The following SPATA6 variants were observed in gnomAD, a reference collection of about 807,000 sequenced individuals.
SPATA6 encodes the protein spermatogenesis associated 6.
SPATA6 carries 56 observed loss-of-function variants against 65.3 expected under a neutral mutation model. That is an observed-to-expected ratio of 0.86 (90% CI 0.69 to 1.07). The LOEUF (loss-of-function observed/expected upper bound fraction) is 1.07, where lower values mean the gene tolerates loss of function less well. Among genes scored for constraint, SPATA6 ranks in the 50% least tolerant of loss-of-function variants. The probability of loss-of-function intolerance (pLI) is 0.00; values close to 1 mark genes in which losing one functional copy is unlikely to be tolerated. For missense variants in SPATA6, 590 were observed against 594.8 expected, an observed-to-expected ratio of 0.99 and a Z score of 0.08; for synonymous variants, 199 against 213.2, an observed-to-expected ratio of 0.93 and a Z score of 0.58.
intron 3 of SPATA6, among the ~76,000 whole-genome samples, chr1:48,421,182 G>A (rs1247560046): frequency 3.9e-5 from 6 of 152,084 alleles, no homozygotes; most frequent in Non-Finnish European, 8.8e-5. Context: ...AAAATGGCTA[G>A]AAGAGAGGCC....
chr1:48,433,205 T>C (rs1654567535), intron 3 of SPATA6, among the ~76,000 whole-genome samples: 1 of 152,154 alleles, frequency 6.6e-6, no homozygotes, highest in African/African-American at 2.4e-5. Flanking sequence ...TGGAGCTGCA[T>C]GGTGGTAATG....
the SPATA6 span, among the ~76,000 whole-genome samples, chr1:48,280,743 C>G: frequency 5.3e-5 from 8 of 152,184 alleles, no homozygotes; most frequent in African/African-American, 1.9e-4. Flanking sequence ...CAGCCGAATT[C>G]TGCCAGAGGT....
At chr1:48,422,987 A>G (rs1397989379) in intron 3 of SPATA6, among the ~76,000 whole-genome samples, 1 of 152,222 alleles carries the variant, frequency 6.6e-6, no homozygotes, top group Non-Finnish European at 1.5e-5. Context: ...GTATACTCAT[A>G]CAATGTAATA....
rs1171531472 is a variant in SPATA6, at chr1:48,297,748, G to A, written c.*965C>T. The A allele has an allele frequency of 6.6e-6, 1 of 151,866 alleles. No homozygotes were observed. Among genetic ancestry groups the A allele is most frequent in the Non-Finnish European group, 1.5e-5 (1 of 67,986 alleles). 9.4% of individuals were successfully genotyped at this position (151,866 alleles called of 1,614,324 possible). On this transcript the variant is annotated 3_prime_UTR_variant, in exon 13 of 13. Coordinates refer to ENST00000371847, the MANE Select transcript of SPATA6 (RefSeq NM_019073.4). ...TGTGTGCTGGGGTGGGGGAGGAGAA[G>A]TTAATTCTATCCATCAATCAACAAC... is the stretch of plus-strand genomic sequence containing the variant.
At chr1:48,464,229 A>C (rs1285202900) in intron 1 of SPATA6, among the ~76,000 whole-genome samples, 3 of 152,092 alleles carry the variant, frequency 2.0e-5, no homozygotes, top group Non-Finnish European at 4.4e-5. Context: ...AAATTAGAAA[A>C]AACGACAAAG....
intron 3 of SPATA6, among the ~76,000 whole-genome samples, chr1:48,439,576 C>T (rs1288449193): frequency 6.6e-6 from 1 of 151,848 alleles, no homozygotes; most frequent in African/African-American, 2.4e-5. Flanking sequence ...GCTGCTGCAT[C>T]GGTGAGCACA....
At chr1:48,328,347 A>G (rs947487692) in intron 11 of SPATA6, among the ~76,000 whole-genome samples, 6 of 152,162 alleles carry the variant, frequency 3.9e-5, no homozygotes, top group Admixed American at 1.3e-4. Context: ...GCAACAACCC[A>G]AACTAAATGA....
intron 7 of SPATA6, among the ~76,000 whole-genome samples, chr1:48,398,084 A>G (rs571144376): frequency 6.6e-6 from 1 of 151,764 alleles, no homozygotes; most frequent in Admixed American, 6.6e-5. Context: ...ACTTAAAATT[A>G]AAGGCATTCT....
intron 11 of SPATA6, among the ~76,000 whole-genome samples, chr1:48,350,832 A>C (rs997219238): frequency 6.6e-6 from 1 of 151,894 alleles, no homozygotes; most frequent in South Asian, 2.1e-4. Flanking sequence ...TGTTTGTTTC[A>C]GATCGTTTTG....
At chr1:48,283,697 A>AGAAAGAAAGAAAGAAAGAATGAAAG in the SPATA6 span, among the ~76,000 whole-genome samples, 2 of 12,012 alleles carry the variant, frequency 1.7e-4, no homozygotes, top group African/African-American at 3.6e-4. Flanking sequence ...AAAAAAAAAA[A>AGAAAGAAAGAAAGAAAGAATGAAAG]AAAGAAAGAA....
intron 11 of SPATA6, among the ~76,000 whole-genome samples, chr1:48,313,922 C>A (rs1488077432): frequency 6.6e-6 from 1 of 152,054 alleles, no homozygotes; most frequent in Non-Finnish European, 1.5e-5. Context: ...TTTAAATCAA[C>A]AAAGATAAAA....
chr1:48,446,905 T>C (rs1028264682), intron 3 of SPATA6, among the ~76,000 whole-genome samples: 6 of 152,090 alleles, frequency 3.9e-5, no homozygotes, highest in Admixed American at 2.6e-4. Context: ...TTGAACTGCA[T>C]AGGTCCATTT....
At chr1:48,403,271 C>T (rs1220769909) in intron 6 of SPATA6, among the ~76,000 whole-genome samples, 4 of 152,106 alleles carry the variant, frequency 2.6e-5, no homozygotes, top group Non-Finnish European at 5.9e-5. Flanking sequence ...GATCCTTAGG[C>T]TGGAATGTCC....
At position 48,384,867 on chromosome 1, in the gene SPATA6, C is replaced by T. The variant is rs191154270; in HGVS notation, c.909+442G>A. ...TGTGATACTGGATTTTCATTTATCA[C>T]AGTGAGTAAACAAACAGAAAGAAAG... On this transcript the variant is annotated intron_variant, in intron 9 of 12. Transcript: ENST00000371847. Among the ~76,000 whole-genome samples, 416 of 151,356 alleles carry T rather than the reference C, an allele frequency of 2.7e-3. 1 individual carries two copies. Among genetic ancestry groups the T allele is most frequent in the African/African-American group, 9.9e-3 (404 of 40,910 alleles).
At chr1:48,381,698 T>TTA (rs397952235) in intron 9 of SPATA6, among the ~76,000 whole-genome samples, 14 of 128,074 alleles carry the variant, frequency 1.1e-4, no homozygotes, top group South Asian at 5.0e-4. Flanking sequence ...TTTTTTTTTT[T>TTA]AATTAATTTA....
chr1:48,341,597 C>G (rs12144342), intron 11 of SPATA6, among the ~76,000 whole-genome samples: 11,821 of 152,132 alleles, frequency 0.078, 622 homozygotes, highest in East Asian at 0.23. Context: ...TATGCCAAAG[C>G]AAATCAGTAA....
chr1:48,307,452 T>A (rs1645089659), intron 11 of SPATA6, among the ~76,000 whole-genome samples: 1 of 150,080 alleles, frequency 6.7e-6, no homozygotes, highest in African/African-American at 2.4e-5. Context: ...AGGACCCATC[T>A]TTTGTAAGAG....
At chr1:48,448,778 G>A (rs760054537) in intron 3 of SPATA6, among the ~76,000 whole-genome samples, 7 of 152,092 alleles carry the variant, frequency 4.6e-5, no homozygotes, top group Non-Finnish European at 8.8e-5. Flanking sequence ...ATGAAAAGAA[G>A]CCAGAGAAAA....
intron 9 of SPATA6, among the ~76,000 whole-genome samples, chr1:48,362,321 G>A (rs1234906902): frequency 1.3e-5 from 2 of 152,098 alleles, no homozygotes; most frequent in Non-Finnish European, 2.9e-5. Context: ...GTTGTTTCTA[G>A]AATATATCCA....
Sources: allele counts gnomAD v4.1 joint callset (sites outside exome capture counted in the v4.1 genomes callset), GRCh38; gene constraint gnomAD v4.1.1; transcripts MANE v1.5; gene names NCBI Gene and HGNC (gene_info 2026-07-23, HGNC 2026-07-21).